The following DTNA variants were observed in gnomAD, a reference collection of about 807,000 sequenced individuals.
DTNA encodes dystrophin-related protein 3.
DTNA carries 43 observed loss-of-function variants against 100.7 expected under a neutral mutation model. The observed-to-expected ratio is 0.43, with a 90% CI of 0.33 to 0.55. The LOEUF (loss-of-function observed/expected upper bound fraction) is 0.55. DTNA is among the 20% of genes least tolerant of loss of function. DTNA has a pLI of 0.04. For missense variants in DTNA, 798 were observed against 953.9 expected (o/e 0.84, Z 2.15); for synonymous variants, 349 against 347.9 (o/e 1.00, Z -0.04).
At position 34,888,147 on chromosome 18, in the gene DTNA, T is replaced by G; in HGVS notation, c.*413T>G. On this transcript the variant is annotated 3_prime_UTR_variant, in exon 23 of 23. Transcript: ENST00000444659. ...GCAGTATTAACAAGCATTTTAAACC[T>G]TTGCACATGATATTGAACCTGTTCA... 1 of 985,906 alleles carries G rather than the reference T, an allele frequency of 1.0e-6. No homozygotes were observed. The highest frequency in any genetic ancestry group is 1.2e-6 in the Non-Finnish European group (1 of 829,946). 61.1% of individuals were successfully genotyped at this position (985,906 alleles called of 1,614,324 possible).
At chr18:34,768,464 C>T (rs1476808077) in intron 3 of DTNA, among the ~76,000 whole-genome samples, 1 of 149,576 alleles carries the variant, frequency 6.7e-6, no homozygotes, top group Non-Finnish European at 1.5e-5. Flanking sequence ...AAAGTGGACA[C>T]ACTGTGTTGT....
rs185277237 is a variant in DTNA at position 34,861,347 on chromosome 18, G to A, written c.1647-2619G>A. ...AAAAATACAAAAATATTAGCCGAGC[G>A]TGGTGGCAGGCACCTGTACTCCCAG... On this transcript the variant is annotated intron_variant, in intron 16 of 22. Transcript: ENST00000444659. Among the ~76,000 whole-genome samples, 156 of 151,964 alleles carry A rather than the reference G, an allele frequency of 1.0e-3. 1 individual carries two copies. Among genetic ancestry groups the A allele is most frequent in the Non-Finnish European group, 2.0e-3 (139 of 67,936 alleles).
intron 13 of DTNA, among the ~76,000 whole-genome samples, chr18:34,845,326 C>G (rs996689359): frequency 6.6e-6 from 1 of 152,268 alleles, no homozygotes; most frequent in South Asian, 2.1e-4. Flanking sequence ...TGAGTTATCA[C>G]TTGCTATACA....
chr18:34,811,268 T>A (rs938170263), intron 5 of DTNA, among the ~76,000 whole-genome samples: 1 of 152,180 alleles, frequency 6.6e-6, no homozygotes, highest in Non-Finnish European at 1.5e-5. Context: ...CCATAGGCCC[T>A]TCAGAGAAAG....
intron 11 of DTNA, among the ~76,000 whole-genome samples, chr18:34,835,560 G>T (rs148428742): frequency 1.3e-5 from 2 of 151,908 alleles, no homozygotes; most frequent in Admixed American, 6.6e-5. Context: ...GAGGAGAGGA[G>T]CCCAAAGATT....
At position 34,769,725 on chromosome 18, in the gene DTNA, C is replaced by CTTTTTTTTTTTTT. The variant is rs61242937; in HGVS notation, c.148+3687_148+3699dup. 8.5e-4 allele frequency among the ~76,000 whole-genome samples: 46 copies of CTTTTTTTTTTTTT among 53,862 alleles called. 10 individuals are homozygous for CTTTTTTTTTTTTT. The East Asian group carries it at 0.011, about 13-fold the overall frequency. 35.3% of individuals were successfully genotyped at this position (53,862 alleles called of 152,430 possible). A position where few individuals can be genotyped will look rare whatever the true frequency, so the allele number is the denominator to read the frequency against. On this transcript the variant is annotated intron_variant, in intron 3 of 22. Transcript: ENST00000444659. The stretch of plus-strand genomic sequence containing the variant: ...GAAGAAGCAAGGCAGCCCTCTGGGG[C>CTTTTTTTTTTTTT]TTTTTTTTTTTTTTTGACAGAGTTT...
intron 1 of DTNA, among the ~76,000 whole-genome samples, chr18:34,744,484 T>C (rs1383277684): frequency 6.6e-6 from 1 of 152,178 alleles, no homozygotes; most frequent in African/African-American, 2.4e-5. Context: ...GCTTTCTGTC[T>C]ACCTTGTTGG....
chr18:34,674,594 G>A (rs965744411), intron 1 of DTNA, among the ~76,000 whole-genome samples: 1 of 152,124 alleles, frequency 6.6e-6, no homozygotes, highest in East Asian at 1.9e-4. Context: ...CCACTTTGAC[G>A]TTCTTAGGCT....
chr18:34,548,019 GC>G (rs1224178161), intron 1 of DTNA, among the ~76,000 whole-genome samples: 1 of 152,098 alleles, frequency 6.6e-6, no homozygotes, highest in Non-Finnish European at 1.5e-5. Flanking sequence ...CATAAACATA[GC>G]TAAATGTTAA....
intron 1 of DTNA, among the ~76,000 whole-genome samples, chr18:34,734,778 T>A (rs962345244): frequency 6.6e-6 from 1 of 152,188 alleles, no homozygotes; most frequent in African/African-American, 2.4e-5. Flanking sequence ...ACTCCTTGCC[T>A]CTCAGGAGCA....
At chr18:34,860,496 T>C (rs1348592196) in intron 16 of DTNA, among the ~76,000 whole-genome samples, 7 of 152,188 alleles carry the variant, frequency 4.6e-5, no homozygotes, top group Non-Finnish European at 1.0e-4. Context: ...CCTGTTTTCT[T>C]CTTCCATACA....
chr18:34,673,062 C>T lies in DTNA; in HGVS notation c.-1-82914C>T, dbSNP rs79605626. Among the ~76,000 whole-genome samples, 703 of 152,104 alleles carry T rather than the reference C, an allele frequency of 4.6e-3. 6 individuals are homozygous for T. The highest frequency in any genetic ancestry group is 0.016 in the African/African-American group (654 of 41,506). ...AAAACTTGATTTTTAATAAGTATTA[C>T]CATGTAAGCCAATTATTTTTACATT... On this transcript the variant is annotated intron_variant, in intron 1 of 19. Transcript: ENST00000283365.
At chr18:34,497,234 A>G (rs1403515860) in intron 1 of DTNA, among the ~76,000 whole-genome samples, 1 of 152,190 alleles carries the variant, frequency 6.6e-6, no homozygotes, top group Non-Finnish European at 1.5e-5. Flanking sequence ...GATTTATCAC[A>G]CAGTCCCTGA....
At chr18:34,686,068 A>G (rs1600185321) in intron 1 of DTNA, among the ~76,000 whole-genome samples, 1 of 152,232 alleles carries the variant, frequency 6.6e-6, no homozygotes, top group Non-Finnish European at 1.5e-5. Context: ...TAAATATACA[A>G]TCATGTCATC....
rs1021376777 is a variant in DTNA at position 34,811,807 on chromosome 18, G to T, written c.449-152G>T. 6 of 883,100 alleles carry T rather than the reference G, an allele frequency of 6.8e-6. No homozygotes were observed. In the African/African-American group the frequency reaches 1.0e-4, roughly 15 times the overall value. 54.7% of individuals were successfully genotyped at this position (883,100 alleles called of 1,614,324 possible). ...GAAACCAGAGAAAACATTATGCCAGGAATATTTCAGCATAAAAATTAGCTT... is the reference window on the plus strand; with the variant it reads ...GAAACCAGAGAAAACATTATGCCAGTAATATTTCAGCATAAAAATTAGCTT... On this transcript the variant is annotated intron_variant, in intron 5 of 22. Coordinates refer to ENST00000444659, the MANE Select transcript of DTNA (RefSeq NM_001386795.1).
intron 1 of DTNA, among the ~76,000 whole-genome samples, chr18:34,640,930 TTTG>T (rs1179602288): frequency 1.3e-5 from 2 of 152,104 alleles, no homozygotes; most frequent in African/African-American, 2.4e-5. Flanking sequence ...GTTGGGTTGG[TTTG>T]TTGTTGTTTG....
chr18:34,584,595 T>C (rs1004496968), intron 1 of DTNA, among the ~76,000 whole-genome samples: 1 of 152,110 alleles, frequency 6.6e-6, no homozygotes, highest in African/African-American at 2.4e-5. Context: ...AGTTTGAGTC[T>C]CAAGGTTAGT....
In DTNA at chr18:34,788,252, T is replaced by A. The variant is rs73946188; in HGVS notation, c.149-5785T>A. On this transcript the variant is annotated intron_variant, in intron 3 of 22. Transcript: ENST00000444659. ...CAGACTTTTAAAACAAACTTCTTAA[T>A]AACTTCTTAATGAATCTCAACTTAG... Among the ~76,000 whole-genome samples the A allele has an allele frequency of 6.1e-3, 924 of 152,320 alleles. 11 individuals are homozygous for A. Among genetic ancestry groups the A allele is most frequent in the African/African-American group, 0.021 (889 of 41,566 alleles).
At chr18:34,719,582 A>T (rs2084822888) in intron 1 of DTNA, among the ~76,000 whole-genome samples, 4 of 152,170 alleles carry the variant, frequency 2.6e-5, no homozygotes, top group Non-Finnish European at 5.9e-5. Context: ...ATGTACAGAG[A>T]TGATACTTGT....
Sources: allele counts gnomAD v4.1 joint callset (sites outside exome capture counted in the v4.1 genomes callset), GRCh38; gene constraint gnomAD v4.1.1; transcripts MANE v1.5; gene names NCBI Gene and HGNC (gene_info 2026-07-23, HGNC 2026-07-21).